The following ZFHX3 variants were observed in gnomAD, a reference collection of about 807,000 sequenced individuals.
ZFHX3 encodes the protein zinc finger homeobox 3, also known as zinc finger homeobox protein 3.
In ZFHX3, 42 loss-of-function variants were observed where a neutral mutation model predicts 279.1. The observed-to-expected ratio is 0.15, with a 90% confidence interval of 0.12 to 0.19. The LOEUF (loss-of-function observed/expected upper bound fraction) is 0.19, where lower values mean the gene tolerates loss of function less well. Among genes scored for constraint, ZFHX3 ranks in the 10% least tolerant of loss-of-function variants. The probability of loss-of-function intolerance (pLI) is 1.00; values close to 1 mark genes in which losing one functional copy is unlikely to be tolerated. For missense variants in ZFHX3, 4,981 were observed against 4,754.0 expected, an observed-to-expected ratio of 1.05 and a Z score of -1.40; for synonymous variants, 2,293 against 1,957.8, an observed-to-expected ratio of 1.17 and a Z score of -4.52.
chr16:73,655,260 A>G (rs917226463), intron 2 of ZFHX3, among the ~76,000 whole-genome samples: 1 of 152,176 alleles, frequency 6.6e-6, no homozygotes, highest in Non-Finnish European at 1.5e-5. Context: ...ATTCATTTTC[A>G]CTTCTACTGA....
intron 3 of ZFHX3, among the ~76,000 whole-genome samples, chr16:73,424,880 C>A (rs904574284): frequency 6.6e-6 from 1 of 151,688 alleles, no homozygotes; most frequent in South Asian, 2.1e-4. Context: ...CAAAAGAGTT[C>A]GTTATTCTAT....
chr16:73,623,044 T>C (rs1169156822), intron 2 of ZFHX3, among the ~76,000 whole-genome samples: 1 of 152,122 alleles, frequency 6.6e-6, no homozygotes, highest in Non-Finnish European at 1.5e-5. Flanking sequence ...ATTGTATTTT[T>C]TTTTTTTGTT....
chr16:73,543,618 C>T (rs2020055305), intron 2 of ZFHX3, among the ~76,000 whole-genome samples: 1 of 152,202 alleles, frequency 6.6e-6, no homozygotes, highest in African/African-American at 2.4e-5. Flanking sequence ...GCTGAAACAT[C>T]TTCAATAGAT....
At chr16:73,268,488 C>A (rs1221635074) in intron 4 of ZFHX3, among the ~76,000 whole-genome samples, 2 of 152,178 alleles carry the variant, frequency 1.3e-5, no homozygotes, top group Admixed American at 6.5e-5. Context: ...TGGCGCTGCG[C>A]CCGACGCAGG....
intron 5 of ZFHX3, among the ~76,000 whole-genome samples, chr16:73,235,302 C>T (rs1231865975): frequency 6.6e-6 from 1 of 152,196 alleles, no homozygotes; most frequent in Non-Finnish European, 1.5e-5. Context: ...ATCTCCTGAC[C>T]TCATCATCCT....
chr16:73,863,918 A>C (rs1961946600), intron 1 of ZFHX3, among the ~76,000 whole-genome samples: 1 of 152,212 alleles, frequency 6.6e-6, no homozygotes, highest in Non-Finnish European at 1.5e-5. Context: ...TTTCAGATAG[A>C]AAAATGATCA....
intron 4 of ZFHX3, among the ~76,000 whole-genome samples, chr16:73,267,506 G>A (rs1322246127): frequency 6.6e-6 from 1 of 152,126 alleles, no homozygotes; most frequent in Non-Finnish European, 1.5e-5. Context: ...CTTACAAATT[G>A]AACATGTACC....
chr16:73,096,055 C>T (rs1041610241), intron 7 of ZFHX3, among the ~76,000 whole-genome samples: 1 of 152,124 alleles, frequency 6.6e-6, no homozygotes, highest in African/African-American at 2.4e-5. Flanking sequence ...GGAGAGGGGC[C>T]TGGAGATGCT....
At chr16:73,148,461 T>C (rs1966878203) in intron 5 of ZFHX3, among the ~76,000 whole-genome samples, 1 of 151,526 alleles carries the variant, frequency 6.6e-6, no homozygotes, top group South Asian at 2.1e-4. Flanking sequence ...AACTGGATAA[T>C]CTCTGGATAC....
At chr16:73,747,496 A>G (rs1044652627) in intron 1 of ZFHX3, among the ~76,000 whole-genome samples, 3 of 152,204 alleles carry the variant, frequency 2.0e-5, no homozygotes, top group Admixed American at 6.5e-5. Flanking sequence ...TTAAGTCACT[A>G]CAATTTCCAA....
chr16:73,129,379 GACACACACAC>G (rs59666622), intron 7 of ZFHX3, among the ~76,000 whole-genome samples: 5 of 137,820 alleles, frequency 3.6e-5, no homozygotes, highest in Non-Finnish European at 6.2e-5. Flanking sequence ...CAGAGACTCT[GACACACACAC>G]ACACACACAC....
chr16:72,997,260 A>G (rs957379963), intron 1 of ZFHX3, among the ~76,000 whole-genome samples: 10 of 152,104 alleles, frequency 6.6e-5, no homozygotes, highest in African/African-American at 2.4e-4. Flanking sequence ...GGAGAATTCA[A>G]TGGTGCTGTC....
At chr16:73,393,588 C>T (rs935458252) in intron 3 of ZFHX3, among the ~76,000 whole-genome samples, 18 of 152,190 alleles carry the variant, frequency 1.2e-4, no homozygotes, top group Non-Finnish European at 2.9e-5. Context: ...TGCTACTGGA[C>T]GTATGCATTC....
chr16:72,915,810 T>A (rs543283123), intron 3 of ZFHX3, among the ~76,000 whole-genome samples: 7 of 151,894 alleles, frequency 4.6e-5, no homozygotes, highest in Admixed American at 1.3e-4. Context: ...AAAGCACATA[T>A]AATCATTTTA....
At chr16:73,417,348 T>C (rs887886482) in intron 3 of ZFHX3, among the ~76,000 whole-genome samples, 1 of 151,810 alleles carries the variant, frequency 6.6e-6, no homozygotes, top group Non-Finnish European at 1.5e-5. Flanking sequence ...ATCTATACTT[T>C]GGTATTAGTA....
intron 2 of ZFHX3, among the ~76,000 whole-genome samples, chr16:73,667,013 C>T (rs189997690): frequency 1.1e-4 from 17 of 151,914 alleles, no homozygotes; most frequent in Admixed American, 3.3e-4. Context: ...GTTTTTGAGA[C>T]GGGAGTCTCA....
chr16:73,654,451 C>T (rs1031910160), intron 2 of ZFHX3, among the ~76,000 whole-genome samples: 1 of 152,058 alleles, frequency 6.6e-6, no homozygotes, highest in African/African-American at 2.4e-5. Context: ...AGGAGCTCTT[C>T]TTCAGTTCTT....
chr16:73,267,841 T>G (rs186911456), intron 4 of ZFHX3, among the ~76,000 whole-genome samples: 1 of 152,332 alleles, frequency 6.6e-6, no homozygotes, highest in East Asian at 1.9e-4. Context: ...CTTCCTCATT[T>G]TATTTTTCTC....
intron 1 of ZFHX3, among the ~76,000 whole-genome samples, chr16:73,800,319 G>A (rs1159184861): frequency 6.6e-6 from 1 of 151,916 alleles, no homozygotes; most frequent in African/African-American, 2.4e-5. Context: ...CCAGGTTCAA[G>A]CAATTCTCCC....
Sources: gnomAD v4.1 joint callset for allele counts (sites outside exome capture counted in the v4.1 genomes callset) on GRCh38, gnomAD v4.1.1 for gene constraint, MANE v1.5 for transcripts, NCBI Gene and HGNC (gene_info 2026-07-23, HGNC 2026-07-21) for gene names.